CREB5: variants seen among roughly 807,000 people sequenced by gnomAD.
CREB5 encodes the protein cyclic AMP-responsive element-binding protein 5.
CREB5 carries 19 observed loss-of-function variants against 57.1 expected under a neutral mutation model. The ratio of observed to expected loss-of-function variants is 0.33; its 90% CI spans 0.23 to 0.49. CREB5 has a LOEUF of 0.49. Among genes scored for constraint, CREB5 ranks in the 20% least tolerant of loss-of-function variants. CREB5 has a pLI of 0.99. For synonymous variants in CREB5, 238 were observed against 238.3 expected (o/e 1.00, Z 0.01); for missense variants, 579 against 671.6 (o/e 0.86, Z 1.52).
At chr7:28,765,515 T>C (rs774380726) in intron 7 of CREB5, among the ~76,000 whole-genome samples, 2 of 152,344 alleles carry the variant, frequency 1.3e-5, no homozygotes, top group Admixed American at 1.3e-4. Context: ...CACATTTGCC[T>C]TATTCGTAGC....
At chr7:28,614,875 C>T (rs761853906) in intron 5 of CREB5, among the ~76,000 whole-genome samples, 8 of 152,114 alleles carry the variant, frequency 5.3e-5, no homozygotes, top group South Asian at 2.1e-4. Flanking sequence ...CGAAGCACAT[C>T]CTAGTTATCA....
At chr7:28,541,117 C>T (rs1346315705) in intron 4 of CREB5, among the ~76,000 whole-genome samples, 1 of 152,032 alleles carries the variant, frequency 6.6e-6, no homozygotes, top group Non-Finnish European at 1.5e-5. Flanking sequence ...AAAAGAAAGA[C>T]CTAATTTGAT....
At chr7:28,551,593 C>G (rs546421722) in intron 4 of CREB5, among the ~76,000 whole-genome samples, 1 of 152,360 alleles carries the variant, frequency 6.6e-6, no homozygotes, top group African/African-American at 2.4e-5. Context: ...CCATTAATCA[C>G]TGCAGCCATC....
At chr7:28,443,173 GGCCA>G (rs1789277232) in intron 1 of CREB5, among the ~76,000 whole-genome samples, 1 of 152,158 alleles carries the variant, frequency 6.6e-6, no homozygotes. Context: ...TATTACTCAT[GGCCA>G]GCAAGCAGCA....
intron 5 of CREB5, among the ~76,000 whole-genome samples, chr7:28,580,869 G>T (rs974936805): frequency 7.9e-5 from 12 of 152,024 alleles, no homozygotes; most frequent in Non-Finnish European, 1.6e-4. Flanking sequence ...ATTTCATTGG[G>T]TTTCATACCC....
intron 7 of CREB5, among the ~76,000 whole-genome samples, chr7:28,747,085 CTT>C (rs3216232): frequency 5.2e-4 from 76 of 146,176 alleles, no homozygotes; most frequent in African/African-American, 1.5e-3. Flanking sequence ...AGAAACAAGA[CTT>C]TTTTTTTTTT....
intron 7 of CREB5, among the ~76,000 whole-genome samples, chr7:28,784,127 A>G (rs1807163405): frequency 6.6e-6 from 1 of 152,204 alleles, no homozygotes; most frequent in Non-Finnish European, 1.5e-5. Context: ...CTAGTATTTC[A>G]TTGCAATTGA....
intron 1 of CREB5, among the ~76,000 whole-genome samples, chr7:28,486,248 AGAAAAGT>A (rs1257182156): frequency 6.6e-6 from 1 of 152,192 alleles, no homozygotes; most frequent in Non-Finnish European, 1.5e-5. Flanking sequence ...TTTGTGCTTC[AGAAAAGT>A]GAAAGTATAT....
intron 1 of CREB5, among the ~76,000 whole-genome samples, chr7:28,300,174 C>A (rs557751518): frequency 1.3e-5 from 2 of 151,912 alleles, no homozygotes; most frequent in East Asian, 1.9e-4. Context: ...CTCCATTACC[C>A]GTGCAAGGAT....
chr7:28,751,801 A>G (rs1300493608), intron 7 of CREB5, among the ~76,000 whole-genome samples: 3 of 152,048 alleles, frequency 2.0e-5, no homozygotes, highest in East Asian at 1.9e-4. Flanking sequence ...TTTTTCACCA[A>G]TGTCTTTTTT....
chr7:28,787,744 A>G (rs988075728), intron 7 of CREB5, among the ~76,000 whole-genome samples: 1 of 152,152 alleles, frequency 6.6e-6, no homozygotes, highest in Non-Finnish European at 1.5e-5. Context: ...TTATAGAGAC[A>G]GGGTTTGCCT....
At chr7:28,643,759 G>GGC (rs1554279451) in intron 5 of CREB5, among the ~76,000 whole-genome samples, 1 of 77,714 alleles carries the variant, frequency 1.3e-5, no homozygotes, top group Admixed American at 1.5e-4. Context: ...GGTGGGGGGG[G>GGC]GCGGAAGAAA....
At chr7:28,390,933 G>A (rs1583415392) in intron 1 of CREB5, among the ~76,000 whole-genome samples, 1 of 106,586 alleles carries the variant, frequency 9.4e-6, no homozygotes. Flanking sequence ...TGAAAGATGG[G>A]TTGAATATAA....
In CREB5 at chr7:28,344,908, C is replaced by T. The variant is rs7786898; in HGVS notation, c.-25+45467C>T. Among the ~76,000 whole-genome samples, 954 of 152,174 alleles carry T rather than the reference C, an allele frequency of 6.3e-3. 3 individuals are homozygous for T. Among genetic ancestry groups the T allele is most frequent in the African/African-American group, 0.022 (900 of 41,528 alleles). ...TTCAATAAACAAAGTCCACGAGAGA[C>T]ACAGAATGACATTATTTAATGCATA... On this transcript the variant is annotated intron_variant, in intron 1 of 9. Coordinates refer to the CREB5 transcript ENST00000396299.
intron 9 of CREB5, among the ~76,000 whole-genome samples, chr7:28,810,430 C>T (rs555794033): frequency 1.3e-4 from 20 of 152,152 alleles, no homozygotes; most frequent in African/African-American, 4.8e-4. Flanking sequence ...ACCTGTAATC[C>T]CAGCACTCTG....
intron 5 of CREB5, among the ~76,000 whole-genome samples, chr7:28,678,208 T>G (rs1800408857): frequency 6.6e-6 from 1 of 151,988 alleles, no homozygotes; most frequent in African/African-American, 2.4e-5. Context: ...GCCCACATGG[T>G]GAAACCCCGT....
chr7:28,424,530 C>A (rs1384916031), intron 1 of CREB5, among the ~76,000 whole-genome samples: 1 of 152,172 alleles, frequency 6.6e-6, no homozygotes, highest in African/African-American at 2.4e-5. Context: ...GCAAAACAAG[C>A]CTACTCTTAA....
intron 5 of CREB5, among the ~76,000 whole-genome samples, chr7:28,654,040 A>AT (rs11411719): frequency 0.034 from 5,179 of 152,204 alleles, 311 homozygotes; most frequent in African/African-American, 0.12. Flanking sequence ...CCTTTACTGC[A>AT]TTTTTTAAAG....
At chr7:28,410,875 G>A (rs768699079), upstream of CREB5, 2 of 279,688 alleles carry the variant, frequency 7.2e-6, no homozygotes, top group Non-Finnish European at 1.4e-5. Flanking sequence ...CAACACACTC[G>A]TGCAATCGCC....
Sources: gnomAD v4.1 joint callset for allele counts (sites outside exome capture counted in the v4.1 genomes callset) on GRCh38, gnomAD v4.1.1 for gene constraint, MANE v1.5 for transcripts, NCBI Gene and HGNC (gene_info 2026-07-23, HGNC 2026-07-21) for gene names.